Variants in PCSK2 observed in about 807,000 individuals in gnomAD.
PCSK2 encodes the protein neuroendocrine convertase 2.
A neutral mutation model predicts 69.7 loss-of-function variants in PCSK2; 14 were observed. That is an observed-to-expected ratio of 0.20 (90% CI 0.13 to 0.31). PCSK2 has a LOEUF of 0.31. PCSK2 is among the 10% of genes least tolerant of loss of function. PCSK2 has a pLI of 1.00. For synonymous variants in PCSK2, 307 were observed against 320.7 expected, an observed-to-expected ratio of 0.96 and a Z score of 0.46; for missense variants, 544 against 842.5, an observed-to-expected ratio of 0.65 and a Z score of 4.39.
rs2033441419 is a variant in PCSK2 at position 17,483,224 on chromosome 20, A to T, written c.*1154A>T. The T allele has an allele frequency of 6.6e-6, 1 of 152,180 alleles. No individual in the cohort carries two copies. Among genetic ancestry groups the T allele is most frequent in the African/African-American group, 2.4e-5 (1 of 41,456 alleles). 9.4% of individuals were successfully genotyped at this position (152,180 alleles called of 1,614,324 possible). A position where few individuals can be genotyped will look rare whatever the true frequency, so the allele number is the denominator to read the frequency against. On this transcript the variant is annotated 3_prime_UTR_variant, in exon 12 of 12. Transcript: ENST00000262545. The stretch of plus-strand genomic sequence containing the variant: ...GAGCGCTATCTTCACATAGTTCTCC[A>T]GTTGTATGGAGCCTCTTCTGCCAAG...
intron 5 of PCSK2, among the ~76,000 whole-genome samples, chr20:17,375,217 G>T (rs2030889148): frequency 6.6e-6 from 1 of 152,140 alleles, no homozygotes; most frequent in Non-Finnish European, 1.5e-5. Flanking sequence ...AGAAGCAGGG[G>T]TGTGCCTCAA....
At chr20:17,406,661 C>T (rs995987780) in intron 5 of PCSK2, among the ~76,000 whole-genome samples, 2 of 152,196 alleles carry the variant, frequency 1.3e-5, no homozygotes, top group Non-Finnish European at 2.9e-5. Flanking sequence ...CAGCCTCACT[C>T]AGACAGACCC....
At chr20:17,424,084 A>G (rs1042408073) in intron 6 of PCSK2, among the ~76,000 whole-genome samples, 3 of 152,232 alleles carry the variant, frequency 2.0e-5, no homozygotes, top group African/African-American at 7.2e-5. Context: ...ACATGGAAAT[A>G]ATAAACAAGA....
chr20:17,417,857 G>C (rs1600564062), intron 6 of PCSK2, among the ~76,000 whole-genome samples: 1 of 152,186 alleles, frequency 6.6e-6, no homozygotes, highest in East Asian at 1.9e-4. Flanking sequence ...GTTAATCATT[G>C]TTAAAGCTCT....
At chr20:17,324,640 C>T (rs1168834295) in intron 2 of PCSK2, among the ~76,000 whole-genome samples, 3 of 152,118 alleles carry the variant, frequency 2.0e-5, no homozygotes, top group Non-Finnish European at 2.9e-5. Flanking sequence ...CCAGATACTC[C>T]CCCTACTGCT....
chr20:17,257,448 A>T (rs148659851), intron 1 of PCSK2, among the ~76,000 whole-genome samples: 2,852 of 152,346 alleles, frequency 0.019, 88 homozygotes, highest in African/African-American at 0.065. Context: ...ATTATAAATC[A>T]TTCTACTCTA....
At chr20:17,456,497 C>T in intron 10 of PCSK2, 49 bp downstream of exon 10, 2 of 991,524 alleles carry the variant, frequency 2.0e-6, no homozygotes, top group Non-Finnish European at 1.6e-6. Flanking sequence ...GGTGGACTAA[C>T]ACGTGTCTCT....
chr20:17,381,980 T>C (rs531728881), intron 5 of PCSK2, among the ~76,000 whole-genome samples: 2 of 152,324 alleles, frequency 1.3e-5, no homozygotes, highest in East Asian at 3.9e-4. Context: ...AATAAAACCA[T>C]GGCCAAGGCT....
At chr20:17,392,099 A>T (rs1388207542) in intron 5 of PCSK2, among the ~76,000 whole-genome samples, 1 of 152,180 alleles carries the variant, frequency 6.6e-6, no homozygotes, top group Non-Finnish European at 1.5e-5. Flanking sequence ...CTTTCCAACT[A>T]ACACAGTTAG....
chr20:17,304,209 C>T (rs1296376866), intron 2 of PCSK2, among the ~76,000 whole-genome samples: 1 of 152,060 alleles, frequency 6.6e-6, no homozygotes, highest in Non-Finnish European at 1.5e-5. Flanking sequence ...ACTAAATAAA[C>T]ATTAGTTATT....
intron 11 of PCSK2, among the ~76,000 whole-genome samples, chr20:17,476,772 C>T (rs921261570): frequency 6.6e-5 from 10 of 152,250 alleles, no homozygotes; most frequent in African/African-American, 2.4e-4. Context: ...TTTAGTTATT[C>T]ATCACCTTAC....
chr20:17,245,909 C>T (rs1038615940), intron 1 of PCSK2, among the ~76,000 whole-genome samples: 5 of 152,156 alleles, frequency 3.3e-5, no homozygotes, highest in African/African-American at 9.7e-5. Context: ...ACCTGATTCG[C>T]TTAGTTAGAC....
Position 17,482,153 on chromosome 20 carries a change from A to T in PCSK2, c.*83A>T. 1 of 1,315,226 alleles carries T rather than the reference A, an allele frequency of 7.6e-7. No homozygotes were observed. Among genetic ancestry groups the T allele is most frequent in the Non-Finnish European group, 1.0e-6 (1 of 976,440 alleles). The allele number at this position is 1,315,226 out of a possible 1,614,324, so 81.5% of individuals were successfully genotyped here. On this transcript the variant is annotated 3_prime_UTR_variant, in exon 12 of 12. Transcript: ENST00000262545. ...TCCACGTTTCAGGCAGGCACCTAGC[A>T]ATTCCATCACCCGTACAGGCAATTC...
At chr20:17,428,276 G>C (rs1044460006) in intron 6 of PCSK2, among the ~76,000 whole-genome samples, 7 of 152,208 alleles carry the variant, frequency 4.6e-5, no homozygotes, top group African/African-American at 1.7e-4. Context: ...GACCTCTGCA[G>C]TGACACTGGG....
chr20:17,322,533 T>C (rs1245986958), intron 2 of PCSK2, among the ~76,000 whole-genome samples: 1 of 152,240 alleles, frequency 6.6e-6, no homozygotes, highest in Admixed American at 6.5e-5. Flanking sequence ...AGTTCATTTG[T>C]GCTGCTATAA....
chr20:17,349,871 C>T (rs1839820093), intron 2 of PCSK2, among the ~76,000 whole-genome samples: 1 of 152,292 alleles, frequency 6.6e-6, no homozygotes, highest in South Asian at 2.1e-4. Context: ...CCTAGCAACT[C>T]TCAGTTCCCT....
chr20:17,286,253 T>C (rs1156408878), intron 2 of PCSK2, among the ~76,000 whole-genome samples: 1 of 152,194 alleles, frequency 6.6e-6, no homozygotes, highest in Non-Finnish European at 1.5e-5. Flanking sequence ...ATGTGGCTAC[T>C]TGAAAATTAT....
intron 2 of PCSK2, among the ~76,000 whole-genome samples, chr20:17,320,013 A>G (rs1414649552): frequency 2.0e-5 from 3 of 152,174 alleles, no homozygotes; most frequent in Non-Finnish European, 4.4e-5. Flanking sequence ...AGGACTAAAG[A>G]GTCTAGAAAA....
rs1014540509 is a variant in PCSK2 at position 17,298,004 on chromosome 20, C to T, written c.282+37660C>T. 7.2e-5 allele frequency among the ~76,000 whole-genome samples: 11 copies of T among 152,140 alleles called. 1 individual carries two copies. The South Asian group carries it at 1.5e-3, about 20-fold the overall frequency. On this transcript the variant is annotated intron_variant, in intron 2 of 11. Coordinates refer to ENST00000262545, the MANE Select transcript of PCSK2 (RefSeq NM_002594.5). The stretch of plus-strand genomic sequence containing the variant: ...TAACTTCTAGACTAGCTCCTTTTTC[C>T]GCCCTTTATTTTATGCATTATATTT...
Sources: gnomAD v4.1 joint callset for allele counts (sites outside exome capture counted in the v4.1 genomes callset) on GRCh38, gnomAD v4.1.1 for gene constraint, MANE v1.5 for transcripts, NCBI Gene and HGNC (gene_info 2026-07-23, HGNC 2026-07-21) for gene names.